Variants in MOB3B observed in about 807,000 individuals in gnomAD.
MOB3B encodes MOB kinase activator 3B.
Under a neutral mutation model 18.7 loss-of-function variants are expected in MOB3B, and 7 were observed. That is an observed-to-expected ratio of 0.37 (90% CI 0.21 to 0.70). The LOEUF (loss-of-function observed/expected upper bound fraction) is 0.70, where lower values mean the gene tolerates loss of function less well. MOB3B is among the 30% of genes least tolerant of loss of function. MOB3B has a pLI of 0.52. For synonymous variants in MOB3B, 111 were observed against 99.9 expected (o/e 1.11, Z -0.66); for missense variants, 253 against 281.3 (o/e 0.90, Z 0.72).
chr9:27,454,211 G>C (rs1822835439), intron 2 of MOB3B, among the ~76,000 whole-genome samples: 1 of 152,166 alleles, frequency 6.6e-6, no homozygotes, highest in Admixed American at 6.5e-5. Context: ...CCAATCTAGA[G>C]GTGATTTCAA....
At chr9:27,512,602 G>C (rs1820163566) in intron 1 of MOB3B, among the ~76,000 whole-genome samples, 1 of 152,172 alleles carries the variant, frequency 6.6e-6, no homozygotes, top group Non-Finnish European at 1.5e-5. Flanking sequence ...TCCAGTAGCA[G>C]GGACATCTTG....
chr9:27,519,093 T>C (rs1163458164), intron 1 of MOB3B, among the ~76,000 whole-genome samples: 1 of 152,232 alleles, frequency 6.6e-6, no homozygotes, highest in Non-Finnish European at 1.5e-5. Context: ...AGTTGCCATC[T>C]ACCACTCTGT....
At chr9:27,390,727 G>T (rs1821716327) in intron 2 of MOB3B, among the ~76,000 whole-genome samples, 1 of 152,144 alleles carries the variant, frequency 6.6e-6, no homozygotes, top group Non-Finnish European at 1.5e-5. Flanking sequence ...AGGGTGCAAT[G>T]GACTGAATGT....
At chr9:27,498,136 A>G (rs1002257050) in intron 1 of MOB3B, among the ~76,000 whole-genome samples, 4 of 152,170 alleles carry the variant, frequency 2.6e-5, no homozygotes, top group African/African-American at 9.7e-5. Context: ...CCCAGCCCAC[A>G]GAAACGCCGT....
At position 27,330,603 on chromosome 9, in the gene MOB3B, C is replaced by T; in HGVS notation, c.635G>A (p.Ser212Asn). Residue 212 changes from serine (S) to asparagine (N), a missense_variant, in exon 4 of 4, where the codon AGC (serine) becomes AAC (asparagine). Transcript: ENST00000262244. Reference protein sequence around the residue: ...KELEPLKEMTSRMCH With the variant: ...KELEPLKEMTNRMCH ...GGTGGAGCATTAGTGACACATCCTG[C>T]TCGTCATTTCTTTCTGGAAAGCAAG... The T allele has an allele frequency of 1.2e-6, 2 of 1,614,044 alleles. No individual in the cohort carries two copies. The highest frequency in any genetic ancestry group is 1.7e-6 in the Non-Finnish European group (2 of 1,179,974).
At chr9:27,505,351 C>CA (rs2131497396) in intron 1 of MOB3B, among the ~76,000 whole-genome samples, 1 of 152,176 alleles carries the variant, frequency 6.6e-6, no homozygotes, top group Admixed American at 6.5e-5. Flanking sequence ...CAGCTTTTCC[C>CA]AAAGGGCTGC....
At chr9:27,423,070 G>A (rs539287202) in intron 2 of MOB3B, among the ~76,000 whole-genome samples, 2 of 152,284 alleles carry the variant, frequency 1.3e-5, no homozygotes, top group East Asian at 1.9e-4. Context: ...CAGAAAGAAC[G>A]CTACATGGCA....
At chr9:27,449,930 A>G (rs1432379434) in intron 2 of MOB3B, among the ~76,000 whole-genome samples, 3 of 151,634 alleles carry the variant, frequency 2.0e-5, no homozygotes, top group Non-Finnish European at 4.4e-5. Flanking sequence ...GTGAGCCGAG[A>G]TCATGCCATT....
At chr9:27,353,430 CGTGT>C (rs142240060) in intron 3 of MOB3B, among the ~76,000 whole-genome samples, 2 of 151,802 alleles carry the variant, frequency 1.3e-5, no homozygotes, top group African/African-American at 4.8e-5. Context: ...TTCTGATGCA[CGTGT>C]GTGTGTGTGG....
chr9:27,422,661 T>C (rs1218057078), intron 2 of MOB3B, among the ~76,000 whole-genome samples: 1 of 152,230 alleles, frequency 6.6e-6, no homozygotes, highest in East Asian at 1.9e-4. Flanking sequence ...GAGATCAGTC[T>C]CTGATGAATA....
chr9:27,386,485 A>G (rs1395334763), intron 2 of MOB3B, among the ~76,000 whole-genome samples: 2 of 152,250 alleles, frequency 1.3e-5, no homozygotes, highest in Non-Finnish European at 2.9e-5. Flanking sequence ...CAAATTTTCG[A>G]TCTTCTCAGG....
intron 2 of MOB3B, among the ~76,000 whole-genome samples, chr9:27,412,382 G>A (rs1822083629): frequency 6.6e-6 from 1 of 151,990 alleles, no homozygotes; most frequent in Non-Finnish European, 1.5e-5. Flanking sequence ...GGTTGTTTGT[G>A]GCAAAGCCCC....
rs549425851 is a variant in MOB3B at position 27,426,563 on chromosome 9, C to T, written c.418+28570G>A. ...CCTGCAGGGATTTCTGAAGCTCGCT[C>T]CAGAGCGTCATGGCCATTGCCTGTC... is the stretch of plus-strand genomic sequence containing the variant. On this transcript the variant is annotated intron_variant, in intron 2 of 3. Transcript: ENST00000262244. Among the ~76,000 whole-genome samples, 19 of 152,328 alleles carry T rather than the reference C, an allele frequency of 1.2e-4. No individual in the cohort carries two copies. The South Asian group carries it at 3.9e-3, about 32-fold the overall frequency.
chr9:27,494,151 T>C (rs1283708459), intron 1 of MOB3B, among the ~76,000 whole-genome samples: 2 of 152,294 alleles, frequency 1.3e-5, no homozygotes, highest in East Asian at 1.9e-4. Flanking sequence ...GCCTAATAAA[T>C]TTTGGTCAGA....
chr9:27,474,138 C>T (rs1015568051), intron 1 of MOB3B, among the ~76,000 whole-genome samples: 4 of 152,232 alleles, frequency 2.6e-5, no homozygotes, highest in Admixed American at 6.5e-5. Context: ...GATATTTACA[C>T]GATCTCATTT....
At chr9:27,350,523 A>G (rs1040498861) in intron 3 of MOB3B, among the ~76,000 whole-genome samples, 1 of 152,210 alleles carries the variant, frequency 6.6e-6, no homozygotes, top group Non-Finnish European at 1.5e-5. Flanking sequence ...GAACCACCCA[A>G]CACCCTATAA....
chr9:27,395,300 G>A (rs760047431), intron 2 of MOB3B, among the ~76,000 whole-genome samples: 16 of 152,128 alleles, frequency 1.1e-4, no homozygotes, highest in Middle Eastern at 3.2e-3. Flanking sequence ...AGACTAGATT[G>A]TAAATGTTCT....
chr9:27,381,326 G>A (rs868471948), intron 2 of MOB3B, among the ~76,000 whole-genome samples: 29 of 152,022 alleles, frequency 1.9e-4, no homozygotes, highest in African/African-American at 6.0e-4. Context: ...GTTGCCTCTC[G>A]GTGTTGCCTC....
At chr9:27,380,997 C>T (rs1277182638) in intron 2 of MOB3B, among the ~76,000 whole-genome samples, 1 of 152,176 alleles carries the variant, frequency 6.6e-6, no homozygotes, top group African/African-American at 2.4e-5. Flanking sequence ...CTACCTCTCA[C>T]TGGGCTCATG....
Sources: gnomAD v4.1 joint callset for allele counts (sites outside exome capture counted in the v4.1 genomes callset) on GRCh38, gnomAD v4.1.1 for gene constraint, MANE v1.5 for transcripts, NCBI Gene and HGNC (gene_info 2026-07-23, HGNC 2026-07-21) for gene names.